The following DOK6 variants were observed in gnomAD, a reference collection of about 807,000 sequenced individuals.
DOK6 encodes the protein docking protein 6.
A neutral mutation model predicts 44.0 loss-of-function variants in DOK6; 22 were observed. That is an observed-to-expected ratio of 0.50 (90% CI 0.36 to 0.71). The LOEUF is 0.71. DOK6 is among the 30% of genes least tolerant of loss of function. DOK6 has a pLI of 0.00. For synonymous variants in DOK6, 166 were observed against 145.5 expected (o/e 1.14, Z -1.01); for missense variants, 340 against 416.4 (o/e 0.82, Z 1.60).
At chr18:69,639,687 G>A (rs1984893268) in intron 3 of DOK6, among the ~76,000 whole-genome samples, 1 of 152,092 alleles carries the variant, frequency 6.6e-6, no homozygotes, top group African/African-American at 2.4e-5. Flanking sequence ...TTGTGTAGAG[G>A]TGACTGATAA....
intron 1 of DOK6, among the ~76,000 whole-genome samples, chr18:69,446,225 G>A (rs1343293015): frequency 2.6e-5 from 3 of 113,674 alleles, no homozygotes; most frequent in African/African-American, 1.1e-4. Context: ...CCCCACGACA[G>A]GCCCCAGTGT....
chr18:69,436,918 G>A (rs906986259), intron 1 of DOK6, among the ~76,000 whole-genome samples: 2 of 152,210 alleles, frequency 1.3e-5, no homozygotes, highest in Non-Finnish European at 2.9e-5. Context: ...CAGTGATGAT[G>A]AGCTTTTTTT....
chr18:69,643,885 T>G (rs1236930468), intron 3 of DOK6: 1 of 152,216 alleles, frequency 6.6e-6, no homozygotes, highest in Non-Finnish European at 1.5e-5. Flanking sequence ...TAGTCCAGTT[T>G]TCACAACCTT....
At chr18:69,544,749 T>C (rs1982357311) in intron 1 of DOK6, among the ~76,000 whole-genome samples, 2 of 151,596 alleles carry the variant, frequency 1.3e-5, no homozygotes, top group South Asian at 4.2e-4. Context: ...TATTACTGAC[T>C]TTCACCTCTA....
At chr18:69,628,810 G>A (rs1984618993) in intron 3 of DOK6, among the ~76,000 whole-genome samples, 1 of 152,186 alleles carries the variant, frequency 6.6e-6, no homozygotes, top group African/African-American at 2.4e-5. Context: ...CTAGATCCAA[G>A]TATGAGAGTA....
At position 69,507,126 on chromosome 18, in the gene DOK6, C is replaced by T. The variant is rs1487132718; in HGVS notation, c.67-57361C>T. On this transcript the variant is annotated intron_variant, in intron 1 of 7. Transcript: ENST00000382713. ...CACTGCAAACTCCACCTCCCGGGTTCAAGCAATTCCCCTGCCTCAGCCTCT... is the reference window on the plus strand; with the variant it reads ...CACTGCAAACTCCACCTCCCGGGTTTAAGCAATTCCCCTGCCTCAGCCTCT... Among the ~76,000 whole-genome samples, 2 of 152,016 alleles carry T rather than the reference C, an allele frequency of 1.3e-5. 1 individual carries two copies. The highest frequency in any genetic ancestry group is 2.9e-5 in the Non-Finnish European group (2 of 67,986).
intron 1 of DOK6, among the ~76,000 whole-genome samples, chr18:69,438,077 G>A (rs1012536568): frequency 6.6e-6 from 1 of 152,266 alleles, no homozygotes; most frequent in African/African-American, 2.4e-5. Context: ...AGATCAAGGT[G>A]GTGGTTGCTG....
intron 1 of DOK6, among the ~76,000 whole-genome samples, chr18:69,559,294 G>A (rs367916189): frequency 3.3e-5 from 5 of 152,102 alleles, no homozygotes; most frequent in East Asian, 1.9e-4. Flanking sequence ...ATATTTCCAC[G>A]AATATTGTAA....
intron 3 of DOK6, among the ~76,000 whole-genome samples, chr18:69,670,141 GAATA>G (rs1339826269): frequency 2.0e-5 from 3 of 151,910 alleles, no homozygotes; most frequent in Non-Finnish European, 4.4e-5. Context: ...GGAGGCTCTG[GAATA>G]AATACACTTT....
At chr18:69,497,502 TG>T (rs1199823578) in intron 1 of DOK6, among the ~76,000 whole-genome samples, 1 of 152,186 alleles carries the variant, frequency 6.6e-6, no homozygotes, top group Non-Finnish European at 1.5e-5. Context: ...TGACTTGGTC[TG>T]TGGAACGGTG....
At chr18:69,652,467 G>C (rs1263047811) in intron 3 of DOK6, among the ~76,000 whole-genome samples, 1 of 152,182 alleles carries the variant, frequency 6.6e-6, no homozygotes, top group Non-Finnish European at 1.5e-5. Context: ...AAGGAGCTGA[G>C]AGACCAAAGA....
At chr18:69,672,570 C>T (rs1985826708) in intron 3 of DOK6, among the ~76,000 whole-genome samples, 1 of 151,992 alleles carries the variant, frequency 6.6e-6, no homozygotes, top group Non-Finnish European at 1.5e-5. Context: ...GTTGGCCGGG[C>T]TGGTCTCAAA....
intron 4 of DOK6, among the ~76,000 whole-genome samples, chr18:69,686,561 G>A (rs1353273540): frequency 6.6e-6 from 1 of 152,046 alleles, no homozygotes; most frequent in Non-Finnish European, 1.5e-5. Flanking sequence ...AAATCTGAGG[G>A]GGGATCTAGG....
chr18:69,780,006 C>T (rs1245886582), intron 7 of DOK6, among the ~76,000 whole-genome samples: 2 of 151,816 alleles, frequency 1.3e-5, no homozygotes, highest in Non-Finnish European at 2.9e-5. Flanking sequence ...TAGAATTGTA[C>T]AAATAACTAT....
chr18:69,442,521 G>A (rs1599133066), intron 1 of DOK6, among the ~76,000 whole-genome samples: 1 of 152,194 alleles, frequency 6.6e-6, no homozygotes, highest in East Asian at 1.9e-4. Flanking sequence ...GAACAGCATG[G>A]GGGAACTGCC....
chr18:69,538,580 A>G (rs951565421), intron 1 of DOK6, among the ~76,000 whole-genome samples: 4 of 152,004 alleles, frequency 2.6e-5, no homozygotes, highest in Non-Finnish European at 5.9e-5. Flanking sequence ...TAGGAGTCTC[A>G]CTATATTGCC....
intron 1 of DOK6, among the ~76,000 whole-genome samples, chr18:69,491,536 T>C (rs1980733681): frequency 6.6e-6 from 1 of 152,238 alleles, no homozygotes; most frequent in Non-Finnish European, 1.5e-5. Context: ...AAATTTGAGA[T>C]TCTGAAATGT....
intron 5 of DOK6, among the ~76,000 whole-genome samples, chr18:69,706,611 C>G (rs1277613437): frequency 6.6e-6 from 1 of 151,204 alleles, no homozygotes; most frequent in Non-Finnish European, 1.5e-5. Flanking sequence ...TGCCATGCTG[C>G]TATGCTGCAC....
In DOK6 at chr18:69,688,037, C is replaced by A. The variant is rs183730371; in HGVS notation, c.409+10184C>A. Among the ~76,000 whole-genome samples, 42 of 152,082 alleles carry A rather than the reference C, an allele frequency of 2.8e-4. 1 individual carries two copies. Among genetic ancestry groups the A allele is most frequent in the African/African-American group, 9.9e-4 (41 of 41,524 alleles). On this transcript the variant is annotated intron_variant, in intron 4 of 7. Transcript: ENST00000382713. ...TATTCAAATTTTTAAATATATACTT[C>A]TATTTCATATAATGCAATTAATATT...
Sources: gnomAD v4.1 joint callset for allele counts (sites outside exome capture counted in the v4.1 genomes callset) on GRCh38, gnomAD v4.1.1 for gene constraint, MANE v1.5 for transcripts, NCBI Gene and HGNC (gene_info 2026-07-23, HGNC 2026-07-21) for gene names.